FOXP4: variants seen among roughly 807,000 people sequenced by gnomAD.
FOXP4 encodes forkhead box P4.
FOXP4 carries 25 observed loss-of-function variants against 82.6 expected under a neutral mutation model. That is an observed-to-expected ratio of 0.30 (90% CI 0.22 to 0.42). The LOEUF is 0.42. Among genes scored for constraint, FOXP4 ranks in the 10% least tolerant of loss-of-function variants. FOXP4 has a pLI of 1.00. For synonymous variants in FOXP4, 415 were observed against 388.2 expected (o/e 1.07, Z -0.81); for missense variants, 785 against 900.9 (o/e 0.87, Z 1.65).
chr6:41,572,742 A>G (rs1465716906), intron 2 of FOXP4, among the ~76,000 whole-genome samples: 1 of 152,108 alleles, frequency 6.6e-6, no homozygotes, highest in East Asian at 1.9e-4. Flanking sequence ...GCCCCTCACC[A>G]CAATCCAAAT....
chr6:41,582,247 A>G (rs1765841565), intron 3 of FOXP4, among the ~76,000 whole-genome samples: 1 of 152,218 alleles, frequency 6.6e-6, no homozygotes, highest in African/African-American at 2.4e-5. Context: ...TCTGGGCCTC[A>G]GTTTTCCCAT....
At chr6:41,574,736 CCAGCAGGCAGTGT>C (rs1765378990) in intron 2 of FOXP4, among the ~76,000 whole-genome samples, 1 of 152,178 alleles carries the variant, frequency 6.6e-6, no homozygotes, top group Non-Finnish European at 1.5e-5. Context: ...GGCCGCAGTG[CCAGCAGGCAGTGT>C]GAACACATCT....
At chr6:41,581,443 C>T (rs1017273273) in intron 3 of FOXP4, among the ~76,000 whole-genome samples, 2 of 152,174 alleles carry the variant, frequency 1.3e-5, no homozygotes, top group Admixed American at 6.5e-5. Context: ...CAGCTGCCGG[C>T]GTTTGGCCCA....
intron 14 of FOXP4, 42 bp downstream of exon 14, chr6:41,595,033 G>C (rs534531618): frequency 1.6e-5 from 26 of 1,611,884 alleles, no homozygotes; most frequent in Non-Finnish European, 2.0e-5. Context: ...CTGCCCAGGG[G>C]GCAGGAGCCA....
chr6:41,597,961 A>T lies in FOXP4; in HGVS notation c.1895+11A>T. ...CCCGCCCCAGTACAGGTGAGCACAC[A>T]GCACGGACCCCCACCCACCCCAGCA... On this transcript the variant is annotated intron_variant, in intron 16 of 16. Transcript: ENST00000307972. The T allele has an allele frequency of 6.7e-7, 1 of 1,492,772 alleles. No homozygotes were observed. The highest frequency in any genetic ancestry group is 8.9e-7 in the Non-Finnish European group (1 of 1,121,730). 92.5% of individuals were successfully genotyped at this position (1,492,772 alleles called of 1,614,324 possible). A position where few individuals can be genotyped will look rare whatever the true frequency, so the allele number is the denominator to read the frequency against.
At chr6:41,569,620 G>A (rs1356861371) in intron 2 of FOXP4, among the ~76,000 whole-genome samples, 2 of 152,194 alleles carry the variant, frequency 1.3e-5, no homozygotes, top group African/African-American at 2.4e-5. Context: ...GCCAAGTTGG[G>A]GCCAGGAGGG....
At position 41,556,275 on chromosome 6, in the gene FOXP4, G is replaced by C. The variant is rs11757960; in HGVS notation, c.-17+9408G>C. 5.3e-5 allele frequency among the ~76,000 whole-genome samples: 8 copies of C among 152,002 alleles called. No individual in the cohort carries two copies. In the Middle Eastern group the frequency reaches 0.014, roughly 259 times the overall value. On this transcript the variant is annotated intron_variant, in intron 1 of 16. Transcript: ENST00000307972. Reference sequence around the variant, plus strand: ...AAAATGAGCGCAAAATTGCATGGGGGAGAGAGGAGGGAGGGGCTATAGGAA... The same window carrying C: ...AAAATGAGCGCAAAATTGCATGGGGCAGAGAGGAGGGAGGGGCTATAGGAA...
chr6:41,553,766 C>G (rs573474140), intron 1 of FOXP4, among the ~76,000 whole-genome samples: 3 of 152,280 alleles, frequency 2.0e-5, no homozygotes, highest in Admixed American at 2.0e-4. Context: ...AGCTAGGGAC[C>G]TTTTAACCCT....
intron 1 of FOXP4, among the ~76,000 whole-genome samples, chr6:41,552,375 C>T (rs967683174): frequency 5.3e-5 from 8 of 152,066 alleles, no homozygotes; most frequent in East Asian, 3.9e-4. Flanking sequence ...GGGAGCAAAG[C>T]GCCAGGCTTT....
At chr6:41,557,083 C>G (rs1386568490) in intron 1 of FOXP4, among the ~76,000 whole-genome samples, 2 of 152,204 alleles carry the variant, frequency 1.3e-5, no homozygotes, top group Non-Finnish European at 2.9e-5. Context: ...CCCCAGTGCC[C>G]ACTGTGCTCA....
chr6:41,585,022 C>A, intron 4 of FOXP4, 131 bp downstream of exon 4: 23 of 1,280,572 alleles, frequency 1.8e-5, no homozygotes, highest in Non-Finnish European at 2.4e-5. Flanking sequence ...GACTGATCTG[C>A]ATTCCTCTAG....
At position 41,597,931 on chromosome 6, in the gene FOXP4, C is replaced by T. The variant is rs1328463869; in HGVS notation, c.1876C>T (p.Leu626Phe). 2.6e-6 allele frequency: 4 copies of T among 1,554,942 alleles called. No individual in the cohort carries two copies. The highest frequency in any genetic ancestry group is 1.8e-5 in the Admixed American group (1 of 55,136). Reference protein sequence around the residue: ...PSNGSSSPPRLSPPQYSHQVQ... With the variant: ...PSNGSSSPPRFSPPQYSHQVQ... ...CAACGGCAGCAGCAGCCCTCCTCGCCTCTCCCCGCCCCAGTACAGGTGAGC... is the reference window on the plus strand; with the variant it reads ...CAACGGCAGCAGCAGCCCTCCTCGCTTCTCCCCGCCCCAGTACAGGTGAGC... Residue 626 changes from leucine to phenylalanine, a missense_variant, in exon 16 of 17, where the codon CTC (leucine) becomes TTC (phenylalanine). By Grantham distance (22) the Leu-to-Phe change is conservative (BLOSUM62 0). Coordinates refer to ENST00000307972, the MANE Select transcript of FOXP4 (RefSeq NM_001012426.2).
chr6:41,597,159 C>G lies in FOXP4; in HGVS notation c.1659-17C>G, dbSNP rs1310140514. Reference sequence around the variant, plus strand: ...AAGTGAATGAGTGAGCCAAAGATGGCCTTCTCTGTCCTCCAGGAGCCCCAC... The same window carrying G: ...AAGTGAATGAGTGAGCCAAAGATGGGCTTCTCTGTCCTCCAGGAGCCCCAC... On this transcript the variant is annotated splice_polypyrimidine_tract_variant and intron_variant, in intron 14 of 16. Coordinates refer to ENST00000307972, the MANE Select transcript of FOXP4 (RefSeq NM_001012426.2). The G allele has an allele frequency of 6.2e-7, 1 of 1,613,916 alleles. No homozygotes were observed. Among genetic ancestry groups the G allele is most frequent in the Admixed American group, 1.7e-5 (1 of 60,020 alleles).
intron 13 of FOXP4, among the ~76,000 whole-genome samples, chr6:41,592,069 GA>G (rs1766548410): frequency 6.6e-6 from 1 of 151,986 alleles, no homozygotes; most frequent in Non-Finnish European, 1.5e-5. Context: ...GGGGCGGGGG[GA>G]AGAAGGAGAG....
At chr6:41,568,925 T>G (rs1235204144) in intron 2 of FOXP4, among the ~76,000 whole-genome samples, 2 of 152,186 alleles carry the variant, frequency 1.3e-5, no homozygotes, top group Non-Finnish European at 2.9e-5. Context: ...GGCACTTGTT[T>G]CCATGCAACG....
intron 5 of FOXP4, 25 bp downstream of exon 5, chr6:41,585,542 C>G (rs1561795733): frequency 1.9e-6 from 3 of 1,603,342 alleles, no homozygotes; most frequent in Admixed American, 1.7e-5. Context: ...CAGGGCCCAC[C>G]ACCGCCCTCA....
chr6:41,590,761 C>T (rs1447805815), intron 12 of FOXP4, among the ~76,000 whole-genome samples: 3 of 152,186 alleles, frequency 2.0e-5, no homozygotes, highest in Non-Finnish European at 2.9e-5. Flanking sequence ...TATGTCCTCC[C>T]TGATACCCAC....
In FOXP4 at chr6:41,602,353, C is replaced by A. The variant is rs1481107312; in HGVS notation, c.*3417C>A. ...CATGTAATCTGTGGACAATGGCATTCTCTACAATGCAATAAAAACAATTAC... is the reference window on the plus strand; with the variant it reads ...CATGTAATCTGTGGACAATGGCATTATCTACAATGCAATAAAAACAATTAC... On this transcript the variant is annotated 3_prime_UTR_variant, in exon 17 of 17. Transcript: ENST00000307972. 6.6e-6 allele frequency: 1 copy of A among 152,256 alleles called. No individual in the cohort carries two copies. The highest frequency in any genetic ancestry group is 1.9e-4 in the East Asian group (1 of 5,190). 9.4% of individuals were successfully genotyped at this position (152,256 alleles called of 1,614,324 possible). A position where few individuals can be genotyped will look rare whatever the true frequency, so the allele number is the denominator to read the frequency against.
intron 2 of FOXP4, among the ~76,000 whole-genome samples, chr6:41,577,527 G>A (rs1218172221): frequency 2.6e-5 from 4 of 152,122 alleles, no homozygotes; most frequent in African/African-American, 9.7e-5. Context: ...TAACCTCCTG[G>A]AGACTCCGTT....
Sources: allele counts gnomAD v4.1 joint callset (sites outside exome capture counted in the v4.1 genomes callset), GRCh38; gene constraint gnomAD v4.1.1; transcripts MANE v1.5; gene names NCBI Gene and HGNC (gene_info 2026-07-23, HGNC 2026-07-21).